The following ERC2 variants were observed in gnomAD, a reference collection of about 807,000 sequenced individuals.
The protein encoded by ERC2 is ELKS/RAB6-interacting/CAST family member 2, also known as ERC protein 2.
A neutral mutation model predicts 114.8 loss-of-function variants in ERC2; 42 were observed. The ratio of observed to expected loss-of-function variants is 0.37; its 90% CI spans 0.29 to 0.47. The LOEUF (loss-of-function observed/expected upper bound fraction) is 0.47. Ranked by LOEUF, ERC2 falls within the 20% of genes least tolerant of loss-of-function variation. The pLI is 0.99. For missense variants in ERC2, 939 were observed against 1,150.7 expected (o/e 0.82, Z 2.66); for synonymous variants, 454 against 425.5 (o/e 1.07, Z -0.82).
At chr3:56,331,907 T>C (rs1174561958) in intron 2 of ERC2, among the ~76,000 whole-genome samples, 1 of 152,110 alleles carries the variant, frequency 6.6e-6, no homozygotes, top group Non-Finnish European at 1.5e-5. Flanking sequence ...CTTCTAAATT[T>C]TTGAGGACAA....
intron 14 of ERC2, among the ~76,000 whole-genome samples, chr3:55,766,350 T>C (rs530277020): frequency 6.7e-5 from 10 of 149,750 alleles, no homozygotes; most frequent in Non-Finnish European, 1.3e-4. Flanking sequence ...AGGTGATTTA[T>C]TATTTTTATT....
At chr3:55,560,949 C>T (rs998266686) in intron 17 of ERC2, among the ~76,000 whole-genome samples, 4 of 152,064 alleles carry the variant, frequency 2.6e-5, no homozygotes, top group Non-Finnish European at 4.4e-5. Context: ...TTAGTGAGTA[C>T]ACGGAACCTC....
At chr3:56,250,907 C>A (rs1249707467) in intron 3 of ERC2, among the ~76,000 whole-genome samples, 1 of 152,120 alleles carries the variant, frequency 6.6e-6, no homozygotes, top group African/African-American at 2.4e-5. Flanking sequence ...ACTGATGAAC[C>A]CGCAAACCAG....
At chr3:55,940,675 G>T (rs2066730519) in intron 13 of ERC2, among the ~76,000 whole-genome samples, 1 of 152,138 alleles carries the variant, frequency 6.6e-6, no homozygotes, top group African/African-American at 2.4e-5. Flanking sequence ...ATCTCAGTAG[G>T]TTGCACAGTG....
intron 4 of ERC2, among the ~76,000 whole-genome samples, chr3:56,163,792 G>C (rs569770851): frequency 3.8e-4 from 58 of 152,186 alleles, no homozygotes; most frequent in African/African-American, 1.4e-3. Context: ...GAAGACAGCA[G>C]ACAGATAAAT....
At chr3:55,765,022 A>C (rs556335234) in intron 14 of ERC2, among the ~76,000 whole-genome samples, 2 of 152,198 alleles carry the variant, frequency 1.3e-5, no homozygotes, top group Non-Finnish European at 2.9e-5. Flanking sequence ...GTCACCTATT[A>C]GAACAATTTC....
At chr3:56,057,560 G>C (rs2076069244) in intron 7 of ERC2, among the ~76,000 whole-genome samples, 1 of 151,762 alleles carries the variant, frequency 6.6e-6, no homozygotes, top group South Asian at 2.1e-4. Context: ...CTAAAATGCA[G>C]TACCAAAGCA....
intron 2 of ERC2, among the ~76,000 whole-genome samples, chr3:56,356,645 A>G (rs1438392198): frequency 6.6e-6 from 1 of 152,176 alleles, no homozygotes; most frequent in African/African-American, 2.4e-5. Context: ...TGGTGCCTAC[A>G]TACCCAGATT....
chr3:55,894,626 T>C (rs1430079873), intron 13 of ERC2, among the ~76,000 whole-genome samples: 3 of 152,130 alleles, frequency 2.0e-5, no homozygotes, highest in Non-Finnish European at 4.4e-5. Flanking sequence ...AATCATGTCC[T>C]TTGCAGCAAC....
chr3:55,736,645 G>A (rs755239736), intron 14 of ERC2, among the ~76,000 whole-genome samples: 1 of 152,132 alleles, frequency 6.6e-6, no homozygotes, highest in Non-Finnish European at 1.5e-5. Context: ...CACATAGCGA[G>A]TGCTCAAAAA....
intron 17 of ERC2, among the ~76,000 whole-genome samples, chr3:55,605,675 A>G (rs2148544389): frequency 6.6e-6 from 1 of 152,352 alleles, no homozygotes; most frequent in East Asian, 1.9e-4. Flanking sequence ...TTACTTCTGT[A>G]GGCAGTTATT....
chr3:56,403,368 G>T (rs1480078502), intron 2 of ERC2, among the ~76,000 whole-genome samples: 1 of 135,754 alleles, frequency 7.4e-6, no homozygotes, highest in African/African-American at 2.6e-5. Context: ...AAATTTAAAT[G>T]AAATTAAATA....
chr3:55,871,473 A>G (rs1240868257), intron 14 of ERC2, among the ~76,000 whole-genome samples: 1 of 152,190 alleles, frequency 6.6e-6, no homozygotes, highest in African/African-American at 2.4e-5. Flanking sequence ...CAGAAAAGCT[A>G]CCATTAATCA....
chr3:56,426,865 C>G (rs539997068), intron 2 of ERC2, among the ~76,000 whole-genome samples: 31 of 152,110 alleles, frequency 2.0e-4, no homozygotes, highest in Non-Finnish European at 3.8e-4. Flanking sequence ...TACGTAGGTG[C>G]TTAGTTTAAG....
intron 7 of ERC2, among the ~76,000 whole-genome samples, chr3:56,038,333 A>T (rs1222770483): frequency 1.3e-5 from 2 of 152,208 alleles, no homozygotes; most frequent in African/African-American, 4.8e-5. Flanking sequence ...TATGAAAAAA[A>T]GCTCAACATC....
intron 3 of ERC2, among the ~76,000 whole-genome samples, chr3:56,240,125 T>C (rs2051229696): frequency 6.6e-6 from 1 of 152,246 alleles, no homozygotes; most frequent in African/African-American, 2.4e-5. Context: ...ACACATATTC[T>C]AACACCTGTT....
chr3:55,985,948 C>T (rs1158403982), intron 12 of ERC2, 29 bp downstream of exon 12: 1 of 1,536,312 alleles, frequency 6.5e-7, no homozygotes, highest in Admixed American at 2.0e-5. Context: ...GAGGGAAAGG[C>T]AGTTAGAAGA....
chr3:56,092,446 A>T (rs1361969819), intron 6 of ERC2, among the ~76,000 whole-genome samples: 1 of 152,196 alleles, frequency 6.6e-6, no homozygotes, highest in African/African-American at 2.4e-5. Flanking sequence ...ACTAGTCCAA[A>T]GTTCAAAATT....
intron 17 of ERC2, among the ~76,000 whole-genome samples, chr3:55,599,419 T>TAA (rs2058298528): frequency 6.6e-6 from 1 of 152,220 alleles, no homozygotes; most frequent in African/African-American, 2.4e-5. Flanking sequence ...TAAGTAATGT[T>TAA]TTTAAATTTT....
Sources: allele counts gnomAD v4.1 joint callset (sites outside exome capture counted in the v4.1 genomes callset), GRCh38; gene constraint gnomAD v4.1.1; transcripts MANE v1.5; gene names NCBI Gene and HGNC (gene_info 2026-07-23, HGNC 2026-07-21).